Variants in LDLRAD3 observed in about 807,000 individuals in gnomAD.
LDLRAD3 encodes low density lipoprotein receptor class A domain containing 3, also known as low-density lipoprotein receptor class A domain-containing protein 3.
Under a neutral mutation model 29.4 loss-of-function variants are expected in LDLRAD3, and 20 were observed. The ratio of observed to expected loss-of-function variants is 0.68; its 90% confidence interval spans 0.48 to 0.99. The LOEUF is 0.99. Ranked by LOEUF, LDLRAD3 falls within the 50% of genes least tolerant of loss-of-function variation. The pLI, the probability that LDLRAD3 is intolerant of heterozygous loss-of-function variation, is 0.00. For synonymous variants in LDLRAD3, 157 were observed against 192.7 expected, an observed-to-expected ratio of 0.81 and a Z score of 1.53; for missense variants, 420 against 454.3, an observed-to-expected ratio of 0.92 and a Z score of 0.69.
intron 4 of LDLRAD3, 47 bp downstream of exon 4, chr11:36,098,508 C>A (rs985290846): frequency 4.4e-6 from 7 of 1,605,654 alleles, no homozygotes; most frequent in East Asian, 2.2e-5. Flanking sequence ...CACAACACTG[C>A]AGTAATGGAA....
At chr11:36,197,636 T>A in intron 4 of LDLRAD3, 1 of 152,476 alleles carries the variant, frequency 6.6e-6, no homozygotes. Context: ...GTTACCTTCA[T>A]CTTTACTATT....
At chr11:36,144,970 G>T (rs1484583968) in intron 4 of LDLRAD3, among the ~76,000 whole-genome samples, 2 of 114,892 alleles carry the variant, frequency 1.7e-5, no homozygotes, top group Non-Finnish European at 3.8e-5. Context: ...GCCCCGTCCC[G>T]GAAGGAGGTG....
intron 1 of LDLRAD3, among the ~76,000 whole-genome samples, chr11:35,949,920 A>T (rs1029876480): frequency 2.0e-5 from 3 of 152,312 alleles, no homozygotes; most frequent in African/African-American, 7.2e-5. Flanking sequence ...AGCCTTCTGT[A>T]GTGAGGAGCT....
chr11:36,172,190 T>A (rs574598741), intron 4 of LDLRAD3, among the ~76,000 whole-genome samples: 49 of 152,364 alleles, frequency 3.2e-4, no homozygotes, highest in African/African-American at 1.2e-3. Context: ...CCTGAAACTT[T>A]ACTGAATTTA....
In LDLRAD3 at chr11:36,081,741, T is replaced by A. The variant is rs1281867912; in HGVS notation, c.282T>A (p.Phe94Leu). 2.5e-6 allele frequency: 4 copies of A among 1,614,132 alleles called. No individual in the cohort carries two copies. Among genetic ancestry groups the A allele is most frequent in the Non-Finnish European group, 3.4e-6 (4 of 1,180,046 alleles). Residue 94 changes from phenylalanine (F) to leucine (L), a missense_variant, in exon 3 of 6, where the codon TTT (phenylalanine) becomes TTA (leucine). Phe to Leu is a conservative substitution (Grantham distance 22, BLOSUM62 0). Around this residue, in one of 3 missense-constraint regions of LDLRAD3, gnomAD observed 224 missense variants for 222.2 expected, o/e 1.01. Transcript: ENST00000315571. The stretch of plus-strand genomic sequence containing the variant: ...TTGGTCGCTTCCGGTGCAATGGGTT[T>A]GAGGACTGTCCCGATGGCAGCGATG... ...CIIGRFRCNG[F>L]EDCPDGSDEE...
intron 1 of LDLRAD3, among the ~76,000 whole-genome samples, chr11:35,959,559 G>C (rs1011618706): frequency 2.0e-5 from 3 of 152,188 alleles, no homozygotes; most frequent in Non-Finnish European, 4.4e-5. Context: ...ATAACAAACA[G>C]TAGTGTACCT....
intron 1 of LDLRAD3, among the ~76,000 whole-genome samples, chr11:35,998,014 T>A (rs184700274): frequency 7.2e-5 from 11 of 152,246 alleles, no homozygotes; most frequent in African/African-American, 4.8e-5. Flanking sequence ...TAGAAGGGAG[T>A]TGACTCAGCC....
At chr11:36,188,256 T>G in intron 4 of LDLRAD3, among the ~76,000 whole-genome samples, 1 of 151,678 alleles carries the variant, frequency 6.6e-6, no homozygotes, top group East Asian at 1.9e-4. Context: ...CCTTCAAAAC[T>G]TGTAGTTTAA....
intron 4 of LDLRAD3, among the ~76,000 whole-genome samples, chr11:36,205,225 G>C (rs1427746448): frequency 6.6e-6 from 1 of 152,186 alleles, no homozygotes; most frequent in Non-Finnish European, 1.5e-5. Context: ...GGGGATTCCT[G>C]CCTTTAGCTG....
chr11:36,154,949 T>C (rs1350869683), intron 4 of LDLRAD3, among the ~76,000 whole-genome samples: 5 of 152,212 alleles, frequency 3.3e-5, no homozygotes, highest in African/African-American at 4.8e-5. Context: ...TCTCCCTTCC[T>C]GTCCTCTTTC....
At chr11:36,097,788 G>A (rs549895785) in intron 3 of LDLRAD3, among the ~76,000 whole-genome samples, 8 of 152,078 alleles carry the variant, frequency 5.3e-5, no homozygotes, top group Non-Finnish European at 7.4e-5. Context: ...TGTATATGTA[G>A]CAAAATTTCT....
chr11:35,958,760 G>A (rs1393068760), intron 1 of LDLRAD3, among the ~76,000 whole-genome samples: 1 of 152,136 alleles, frequency 6.6e-6, no homozygotes, highest in Non-Finnish European at 1.5e-5. Flanking sequence ...TTGGGGAAGA[G>A]GAAGCCACTC....
intron 1 of LDLRAD3, among the ~76,000 whole-genome samples, chr11:36,011,220 C>T (rs1590204442): frequency 6.6e-6 from 1 of 152,174 alleles, no homozygotes; most frequent in Non-Finnish European, 1.5e-5. Flanking sequence ...CACACTTCTT[C>T]TCTCCTGCTC....
intron 1 of LDLRAD3, among the ~76,000 whole-genome samples, chr11:35,950,358 T>C (rs1851115813): frequency 6.6e-6 from 1 of 152,232 alleles, no homozygotes; most frequent in African/African-American, 2.4e-5. Context: ...TGTCCTAGTT[T>C]GCTTCTTTAG....
chr11:36,016,698 G>A (rs1245599150), intron 1 of LDLRAD3, among the ~76,000 whole-genome samples: 1 of 152,156 alleles, frequency 6.6e-6, no homozygotes, highest in Admixed American at 6.5e-5. Flanking sequence ...TGCAGAGTGT[G>A]TGTTCTAAGA....
At chr11:36,111,085 G>C (rs1381949400) in intron 4 of LDLRAD3, among the ~76,000 whole-genome samples, 3 of 152,102 alleles carry the variant, frequency 2.0e-5, no homozygotes, top group Admixed American at 6.5e-5. Flanking sequence ...ACTGCTGGGG[G>C]CCCCCTCCCT....
chr11:36,007,306 G>A (rs1233370024), intron 1 of LDLRAD3, among the ~76,000 whole-genome samples: 2 of 152,316 alleles, frequency 1.3e-5, no homozygotes, highest in South Asian at 4.1e-4. Flanking sequence ...AATTTGCAAT[G>A]TTTGTTGGCA....
intron 1 of LDLRAD3, among the ~76,000 whole-genome samples, chr11:36,033,298 C>T (rs1265926711): frequency 6.6e-6 from 1 of 152,164 alleles, no homozygotes; most frequent in East Asian, 1.9e-4. Context: ...TTCACCAGGC[C>T]CCAGGATCCC....
intron 1 of LDLRAD3, among the ~76,000 whole-genome samples, chr11:36,011,788 G>A (rs1277336204): frequency 6.6e-6 from 1 of 152,116 alleles, no homozygotes; most frequent in Non-Finnish European, 1.5e-5. Flanking sequence ...TGGAAAATGG[G>A]TATAAGTAGC....
Sources: allele counts gnomAD v4.1 joint callset (sites outside exome capture counted in the v4.1 genomes callset), GRCh38; gene constraint gnomAD v4.1.1; regional missense constraint gnomAD v4.1.1; transcripts MANE v1.5; gene names NCBI Gene and HGNC (gene_info 2026-07-23, HGNC 2026-07-21).